ERCC6L2: variants seen among roughly 807,000 people sequenced by gnomAD.
The protein encoded by ERCC6L2 is ERCC excision repair 6 like 2, also known as DNA excision repair protein ERCC-6-like 2.
Under a neutral mutation model 132.0 loss-of-function variants are expected in ERCC6L2, and 77 were observed. The ratio of observed to expected loss-of-function variants is 0.58; its 90% CI spans 0.49 to 0.71. ERCC6L2 has a LOEUF of 0.71. Ranked by LOEUF, ERCC6L2 falls within the 30% of genes least tolerant of loss-of-function variation. ERCC6L2 has a pLI of 0.00. For synonymous variants in ERCC6L2, 583 were observed against 632.4 expected (o/e 0.92, Z 1.17); for missense variants, 1,542 against 1,837.6 (o/e 0.84, Z 2.94).
intron 4 of ERCC6L2, among the ~76,000 whole-genome samples, 193 bp downstream of exon 4, chr9:95,907,464 C>T (rs1829103623): frequency 6.6e-6 from 1 of 151,558 alleles, no homozygotes; most frequent in Admixed American, 6.6e-5. Context: ...CTCAGCCTTC[C>T]AAAGTGCTAG....
At chr9:95,905,216 G>T (rs536524550) in intron 3 of ERCC6L2, 1 of 152,296 alleles carries the variant, frequency 6.6e-6, no homozygotes, top group South Asian at 2.1e-4. Context: ...TTATTGGATT[G>T]TAGGAAATGC....
chr9:95,945,863 C>A (rs190676163), intron 12 of ERCC6L2, among the ~76,000 whole-genome samples: 63 of 152,108 alleles, frequency 4.1e-4, no homozygotes, highest in African/African-American at 1.5e-3. Flanking sequence ...GAACTAAATC[C>A]AAACATAAAT....
rs760548288 is a variant in ERCC6L2 at position 95,907,195 on chromosome 9, C to T, written c.712C>T (p.Arg238Cys). The change falls in exon 4 of 19, where the codon CGT becomes TGT. Residue 238 changes from arginine to cysteine, a missense_variant. Transcript: ENST00000653738. Reference protein sequence around the residue: ...HGNRKDNELIRVKQRKCEIAL... With the variant: ...HGNRKDNELICVKQRKCEIAL... ...AAACAGAAAAGATAATGAATTAATT[C>T]GTGTAAAGCAGAGGAAATGTGAAAT... The T allele has an allele frequency of 1.6e-5, 26 of 1,613,278 alleles. No individual in the cohort carries two copies. Among genetic ancestry groups the T allele is most frequent in the Non-Finnish European group, 2.1e-5 (25 of 1,179,746 alleles).
chr9:95,942,995 C>T (rs553858187), intron 12 of ERCC6L2, among the ~76,000 whole-genome samples: 5 of 152,052 alleles, frequency 3.3e-5, no homozygotes, highest in Non-Finnish European at 7.4e-5. Flanking sequence ...CTTTGAAGAA[C>T]ATACATTTCA....
intron 12 of ERCC6L2, among the ~76,000 whole-genome samples, chr9:95,953,312 C>T (rs1831429254): frequency 6.6e-6 from 1 of 152,160 alleles, no homozygotes; most frequent in Non-Finnish European, 1.5e-5. Flanking sequence ...TGTGGTGGCT[C>T]ACGCCTGTAA....
chr9:95,915,930 G>A (rs186558469), intron 5 of ERCC6L2, 101 bp downstream of exon 5: 2 of 1,236,506 alleles, frequency 1.6e-6, no homozygotes, highest in African/African-American at 3.1e-5. Context: ...ACAGTCATTT[G>A]TCTGGTTTTA....
intron 12 of ERCC6L2, chr9:95,954,597 A>G (rs555472854): frequency 2.8e-6 from 1 of 355,510 alleles, no homozygotes; most frequent in East Asian, 7.5e-5. Flanking sequence ...CACAGTAACA[A>G]GTGTCTAAAA....
chr9:95,932,311 G>A lies in ERCC6L2; in HGVS notation c.1751+3447G>A, dbSNP rs1001531299. Among the ~76,000 whole-genome samples the A allele has an allele frequency of 5.3e-5, 8 of 152,158 alleles. No homozygotes were observed. The East Asian group carries it at 1.4e-3, about 26-fold the overall frequency. On this transcript the variant is annotated intron_variant, in intron 11 of 18. Coordinates refer to ENST00000653738, the MANE Select transcript of ERCC6L2 (RefSeq NM_020207.7). The stretch of plus-strand genomic sequence containing the variant: ...GAACTCCTGACCTCGTGATCTACCT[G>A]CCTCGCCCTCCCACAGTGCTGGGAT...
chr9:96,035,373 G>A (rs1295446532), intron 19 of ERCC6L2, among the ~76,000 whole-genome samples: 1 of 152,206 alleles, frequency 6.6e-6, no homozygotes, highest in Non-Finnish European at 1.5e-5. Context: ...CAACTGGCAG[G>A]CACTTCCTCT....
chr9:95,975,598 G>A (rs1832634724), intron 16 of ERCC6L2, among the ~76,000 whole-genome samples: 2 of 150,408 alleles, frequency 1.3e-5, no homozygotes, highest in African/African-American at 4.9e-5. Flanking sequence ...GATATACACA[G>A]TGTTGTTTTC....
At chr9:95,994,175 T>G (rs1833396226) in intron 17 of ERCC6L2, among the ~76,000 whole-genome samples, 1 of 152,232 alleles carries the variant, frequency 6.6e-6, no homozygotes, top group Admixed American at 6.5e-5. Flanking sequence ...ATCAGGTGGA[T>G]ATGAGGGCTT....
At chr9:95,942,732 G>A (rs747191612) in intron 12 of ERCC6L2, among the ~76,000 whole-genome samples, 1 of 152,126 alleles carries the variant, frequency 6.6e-6, no homozygotes, top group African/African-American at 2.4e-5. Flanking sequence ...ACTGGAGGAC[G>A]GGAGATAATT....
chr9:96,004,622 G>A lies in ERCC6L2; in HGVS notation c.3595G>A (p.Val1199Ile). The change falls in exon 18 of 19, where the codon GTA (valine) becomes ATA (isoleucine). Residue 1199 changes from valine to isoleucine, a missense_variant. By Grantham distance (29) the Val-to-Ile change is conservative. Transcript: ENST00000653738. ...ISLPLYISNP[V>I]NQKKKKVYHT... ...ACTTCCTCTTTACATTTCAAATCCTGTAAACCAGAAGAAGAAAAAAGTCTA... is the reference window on the plus strand; with the variant it reads ...ACTTCCTCTTTACATTTCAAATCCTATAAACCAGAAGAAGAAAAAAGTCTA... The A allele has an allele frequency of 2.3e-6, 3 of 1,323,242 alleles. No individual in the cohort carries two copies. Among genetic ancestry groups the A allele is most frequent in the Non-Finnish European group, 3.0e-6 (3 of 998,088 alleles). 82.0% of individuals were successfully genotyped at this position (1,323,242 alleles called of 1,614,324 possible).
At chr9:95,890,699 G>A (rs1294682758) in intron 2 of ERCC6L2, among the ~76,000 whole-genome samples, 1 of 152,108 alleles carries the variant, frequency 6.6e-6, no homozygotes, top group African/African-American at 2.4e-5. Flanking sequence ...ACAGTGTCTC[G>A]CTTTTTTGCC....
At chr9:95,908,688 A>G (rs1829200510) in intron 4 of ERCC6L2, among the ~76,000 whole-genome samples, 1 of 152,134 alleles carries the variant, frequency 6.6e-6, no homozygotes, top group South Asian at 2.1e-4. Context: ...ATTTGTCTCT[A>G]CAGGGATACA....
intron 11 of ERCC6L2, among the ~76,000 whole-genome samples, chr9:95,934,078 A>AG (rs1348737220): frequency 1.3e-5 from 2 of 152,178 alleles, no homozygotes; most frequent in Non-Finnish European, 2.9e-5. Flanking sequence ...GCAGCTGATG[A>AG]GGGAAAATGG....
Position 95,972,363 on chromosome 9 carries a change from A to G in ERCC6L2, c.2612A>G (p.Glu871Gly), listed in dbSNP as rs773662298. The G allele has an allele frequency of 4.8e-5, 61 of 1,283,526 alleles. No homozygotes were observed. The highest frequency in any genetic ancestry group is 4.1e-6 in the Non-Finnish European group (4 of 984,652). The allele number at this position is 1,283,526 out of a possible 1,614,324, so 79.5% of individuals were successfully genotyped here. The part of the protein sequence containing the change: ...HIFYKSEKIL[E>G]QNISSKSDEK... ...TTTTATAAAAGTGAGAAGATTTTAG[A>G]ACAGAATATTTCTTCCAAGTCTGAC... is the stretch of plus-strand genomic sequence containing the variant. Residue 871 changes from glutamate (E) to glycine (G), a missense_variant, in exon 16 of 19, where the codon GAA becomes GGA. Physicochemically the swap from Glu to Gly is moderately conservative, Grantham distance 98. Around this residue, in one of 4 missense-constraint regions of ERCC6L2, gnomAD observed 945 missense variants for 1,105.2 expected, o/e 0.86. Transcript: ENST00000653738.
chr9:95,953,182 A>G (rs1831422914), intron 12 of ERCC6L2, among the ~76,000 whole-genome samples: 1 of 152,196 alleles, frequency 6.6e-6, no homozygotes. Context: ...ACCTAATGCC[A>G]CTTAACTGTA....
chr9:95,923,101 CTT>C (rs1829947610), intron 8 of ERCC6L2, among the ~76,000 whole-genome samples, 157 bp from the exon 9 acceptor site: 3 of 152,114 alleles, frequency 2.0e-5, no homozygotes, highest in Admixed American at 1.3e-4. Flanking sequence ...TAACATATAA[CTT>C]TAAGAGTTTT....
Sources: allele counts gnomAD v4.1 joint callset (sites outside exome capture counted in the v4.1 genomes callset), GRCh38; gene constraint gnomAD v4.1.1; regional missense constraint gnomAD v4.1.1; transcripts MANE v1.5; gene names NCBI Gene and HGNC (gene_info 2026-07-23, HGNC 2026-07-21).